Variants in HMGXB4 observed in about 807,000 individuals in gnomAD.
HMGXB4 encodes HMG-box containing 4.
In HMGXB4, 27 loss-of-function variants were observed where a neutral mutation model predicts 63.9. That is an observed-to-expected ratio of 0.42 (90% CI 0.31 to 0.58). HMGXB4 has a LOEUF of 0.58. Among genes scored for constraint, HMGXB4 ranks in the 20% least tolerant of loss-of-function variants. The pLI, the probability that HMGXB4 is intolerant of heterozygous loss-of-function variation, is 0.13. For missense variants in HMGXB4, 624 were observed against 700.7 expected (o/e 0.89, Z 1.24); for synonymous variants, 264 against 265.3 (o/e 0.99, Z 0.05).
chr22:35,262,275 C>T, intron 1 of HMGXB4, 48 bp from the exon 2 acceptor site: 1 of 1,037,878 alleles, frequency 9.6e-7, no homozygotes, highest in South Asian at 1.3e-5. Flanking sequence ...GGTTGCTTCT[C>T]CTCAGTGATT....
At chr22:35,273,484 A>C (rs1433031280) in intron 5 of HMGXB4, among the ~76,000 whole-genome samples, 1 of 152,222 alleles carries the variant, frequency 6.6e-6, no homozygotes, top group Non-Finnish European at 1.5e-5. Flanking sequence ...TAGGTGGTGC[A>C]TGTAACATGC....
the HMGXB4 span, among the ~76,000 whole-genome samples, chr22:35,243,183 C>T: frequency 6.6e-6 from 1 of 152,022 alleles, no homozygotes; most frequent in Non-Finnish European, 1.5e-5. Context: ...CCAGCCTGGC[C>T]AACATGGTGA....
chr22:35,257,883 G>C (rs1922538577), intron 1 of HMGXB4, among the ~76,000 whole-genome samples: 1 of 151,994 alleles, frequency 6.6e-6, no homozygotes, highest in African/African-American at 2.4e-5. Context: ...TGCCCGGGCC[G>C]TCTCCGCCCT....
At chr22:35,263,011 A>T (rs759138844) in intron 2 of HMGXB4, 67 bp from the exon 3 acceptor site, 1 of 1,435,854 alleles carries the variant, frequency 7.0e-7, no homozygotes, top group South Asian at 1.2e-5. Flanking sequence ...CATTACCTGC[A>T]TGACGATTTG....
intron 5 of HMGXB4, among the ~76,000 whole-genome samples, chr22:35,275,681 A>C (rs1569001114): frequency 6.6e-6 from 1 of 152,172 alleles, no homozygotes; most frequent in African/African-American, 2.4e-5. Flanking sequence ...TCAAGGCTTC[A>C]GTGAGTCGTA....
At chr22:35,253,605 G>A (rs10854678), upstream of HMGXB4, among the ~76,000 whole-genome samples, 581 of 57,340 alleles carry the variant, frequency 0.01, 3 homozygotes, top group Non-Finnish European at 0.026. Flanking sequence ...TTTTGTGCGC[G>A]CGCGCGCGCG....
chr22:35,262,883 T>A (rs981891753), intron 2 of HMGXB4, 195 bp from the exon 3 acceptor site: 9 of 608,634 alleles, frequency 1.5e-5, no homozygotes, highest in Non-Finnish European at 2.6e-5. Context: ...TTCTTCAGGT[T>A]TGATTCTTGT....
At chr22:35,283,862 A>G (rs1013273350) in intron 5 of HMGXB4, 100 bp from the exon 6 acceptor site, 1 of 791,858 alleles carries the variant, frequency 1.3e-6, no homozygotes, top group African/African-American at 1.7e-5. Context: ...CCTTGATGAA[A>G]AAGTTTAGGT....
chr22:35,267,878 G>C (rs1255389833), intron 5 of HMGXB4, among the ~76,000 whole-genome samples: 1 of 152,076 alleles, frequency 6.6e-6, no homozygotes, highest in Non-Finnish European at 1.5e-5. Flanking sequence ...GTAAATTGCA[G>C]GTATCATACA....
At chr22:35,248,876 G>A in the HMGXB4 span, among the ~76,000 whole-genome samples, 3 of 152,156 alleles carry the variant, frequency 2.0e-5, no homozygotes, top group Admixed American at 6.5e-5. Context: ...GAGATTTGGA[G>A]GTGACAAACA....
At chr22:35,293,370 T>C (rs1189096811) in intron 10 of HMGXB4, among the ~76,000 whole-genome samples, 1 of 152,218 alleles carries the variant, frequency 6.6e-6, no homozygotes, top group African/African-American at 2.4e-5. Context: ...GTGTTTCCTG[T>C]TTGCTATTCT....
At chr22:35,286,963 C>T (rs1924624553) in intron 7 of HMGXB4, 1 of 167,818 alleles carries the variant, frequency 6.0e-6, no homozygotes, top group Admixed American at 5.9e-5. Flanking sequence ...CCCAGATTAT[C>T]CTTAGTTTTT....
At chr22:35,254,311 CCT>C (rs1922304105), upstream of HMGXB4, among the ~76,000 whole-genome samples, 2 of 152,214 alleles carry the variant, frequency 1.3e-5, no homozygotes, top group African/African-American at 4.8e-5. Context: ...CCCAGAGGGT[CCT>C]CTTTTCTGTC....
chr22:35,288,458 T>G (rs750299634), intron 9 of HMGXB4, 51 bp downstream of exon 9: 2 of 1,415,072 alleles, frequency 1.4e-6, no homozygotes, highest in Admixed American at 2.4e-5. Flanking sequence ...TAGTTTCCCA[T>G]ATAATTTTGA....
intron 5 of HMGXB4, among the ~76,000 whole-genome samples, chr22:35,272,746 C>T (rs1923682006): frequency 6.6e-6 from 1 of 151,902 alleles, no homozygotes. Flanking sequence ...CTAGCCTGAC[C>T]AACTTGGTGA....
chr22:35,272,833 C>T (rs558716215), intron 5 of HMGXB4, among the ~76,000 whole-genome samples: 55 of 152,216 alleles, frequency 3.6e-4, no homozygotes, highest in Non-Finnish European at 6.2e-4. Flanking sequence ...ACTCAGGAGG[C>T]TGAGGCAGGA....
chr22:35,256,664 T>C (rs993856464), upstream of HMGXB4, among the ~76,000 whole-genome samples: 11 of 152,070 alleles, frequency 7.2e-5, no homozygotes, highest in African/African-American at 1.5e-4. Context: ...CACGCCTGGC[T>C]AATTTTTTGT....
chr22:35,284,633 A>C (rs1924456725), intron 6 of HMGXB4, among the ~76,000 whole-genome samples: 1 of 152,250 alleles, frequency 6.6e-6, no homozygotes, highest in Non-Finnish European at 1.5e-5. Context: ...TGAATACTGT[A>C]CTGAAAGTGA....
Position 35,265,008 on chromosome 22 carries a change from A to G in HMGXB4, c.620A>G (p.Asp207Gly). 1.2e-6 allele frequency: 2 copies of G among 1,613,764 alleles called. No individual in the cohort carries two copies. Among genetic ancestry groups the G allele is most frequent in the South Asian group, 1.1e-5 (1 of 91,054 alleles). The change falls in exon 5 of 11, where the codon GAT becomes GGT. Residue 207 changes from aspartate to glycine, a missense_variant. Transcript: ENST00000216106. ...AAGGAGAAGGGAAGCAGCTCTGTTGATGAGGAGTCTTTTCAATATCCCTCC... is the reference window on the plus strand; with the variant it reads ...AAGGAGAAGGGAAGCAGCTCTGTTGGTGAGGAGTCTTTTCAATATCCCTCC... Reference protein sequence around the residue: ...SPKEKGSSSVDEESFQYPSQQ... With the variant: ...SPKEKGSSSVGEESFQYPSQQ...
Sources: gnomAD v4.1 joint callset for allele counts (sites outside exome capture counted in the v4.1 genomes callset) on GRCh38, gnomAD v4.1.1 for gene constraint, MANE v1.5 for transcripts, NCBI Gene and HGNC (gene_info 2026-07-23, HGNC 2026-07-21) for gene names.